APIP: variants seen among roughly 807,000 people sequenced by gnomAD.
APIP encodes the protein methylthioribulose-1-phosphate dehydratase.
A neutral mutation model predicts 32.0 loss-of-function variants in APIP; 32 were observed. The observed-to-expected ratio is 1.00, with a 90% CI of 0.76 to 1.34. The LOEUF (loss-of-function observed/expected upper bound fraction) is 1.34. Among genes scored for constraint, APIP ranks in the 40% most tolerant of loss-of-function variants. APIP has a pLI of 0.00. For synonymous variants in APIP, 92 were observed against 94.8 expected, an observed-to-expected ratio of 0.97 and a Z score of 0.17; for missense variants, 247 against 298.6, an observed-to-expected ratio of 0.83 and a Z score of 1.27.
At chr11:34,902,529 T>G (rs1174999001) in intron 1 of APIP, among the ~76,000 whole-genome samples, 2 of 151,804 alleles carry the variant, frequency 1.3e-5, no homozygotes, top group East Asian at 3.9e-4. Flanking sequence ...AAGAGAGGAT[T>G]AAGCCTATTT....
At chr11:34,914,802 G>C (rs1213178434) in intron 1 of APIP, among the ~76,000 whole-genome samples, 2 of 151,932 alleles carry the variant, frequency 1.3e-5, no homozygotes, top group Non-Finnish European at 2.9e-5. Flanking sequence ...TAACGAGTTC[G>C]AGACCAGCCT....
intron 1 of APIP, among the ~76,000 whole-genome samples, chr11:34,915,202 C>A (rs150594752): frequency 4.0e-4 from 61 of 152,166 alleles, no homozygotes; most frequent in African/African-American, 1.4e-3. Flanking sequence ...ATTGAGGGTA[C>A]GGACACTTCT....
At chr11:34,896,733 C>T (rs1190820114) in intron 1 of APIP, 1 of 1,238,176 alleles carries the variant, frequency 8.1e-7, no homozygotes, top group Non-Finnish European at 1.1e-6. Flanking sequence ...AAAGCAACAA[C>T]AACAACAACA....
At chr11:34,916,023 G>A (rs1853673351) in intron 1 of APIP, 3 of 649,584 alleles carry the variant, frequency 4.6e-6, no homozygotes, top group East Asian at 6.0e-5. Flanking sequence ...GGAGCGCCCC[G>A]CCCGAGACCA....
chr11:34,907,934 C>A (rs1241576864), intron 1 of APIP, among the ~76,000 whole-genome samples: 1 of 152,064 alleles, frequency 6.6e-6, no homozygotes, highest in East Asian at 1.9e-4. Context: ...TACTCACAGC[C>A]AACAATGGCT....
chr11:34,885,696 G>A (rs1244282835), intron 5 of APIP, among the ~76,000 whole-genome samples: 2 of 152,202 alleles, frequency 1.3e-5, no homozygotes, highest in Non-Finnish European at 2.9e-5. Context: ...GTGCCAGGGA[G>A]TGATGTCCCT....
chr11:34,910,377 ACT>A (rs1228636496), intron 1 of APIP, among the ~76,000 whole-genome samples: 1 of 152,110 alleles, frequency 6.6e-6, no homozygotes, highest in African/African-American at 2.4e-5. Flanking sequence ...AGTTCTAATG[ACT>A]CTTTCAATAG....
At position 34,896,837 on chromosome 11, in the gene APIP, T is replaced by G. The variant is rs758202621; in HGVS notation, c.58-1727A>C. 1.6e-5 allele frequency: 20 copies of G among 1,283,452 alleles called. No individual in the cohort carries two copies. In the East Asian group the frequency reaches 9.4e-4, roughly 61 times the overall value. The allele number at this position is 1,283,452 out of a possible 1,614,324, so 79.5% of individuals were successfully genotyped here. ...ACTCTGGTGACCTTGAACTTCAATT[T>G]TGATAGCCATGTAAGCCACTAGAAG... On this transcript the variant is annotated intron_variant, in intron 1 of 6. Transcript: ENST00000395787.
chr11:34,911,036 C>T (rs1221874780), intron 1 of APIP, among the ~76,000 whole-genome samples: 1 of 152,070 alleles, frequency 6.6e-6, no homozygotes, highest in Non-Finnish European at 1.5e-5. Context: ...AAGGAAACTC[C>T]CCAGAGGACT....
At chr11:34,883,587 C>A in intron 5 of APIP, 83 bp from the exon 6 acceptor site, 1 of 1,414,620 alleles carries the variant, frequency 7.1e-7, no homozygotes, top group Non-Finnish European at 9.6e-7. Flanking sequence ...TTTCAAGTAA[C>A]CAGTTAGACA....
At chr11:34,915,001 C>CAA (rs33914497) in intron 1 of APIP, among the ~76,000 whole-genome samples, 17 of 76,384 alleles carry the variant, frequency 2.2e-4, no homozygotes, top group East Asian at 1.9e-3. Context: ...CAAAACGTGT[C>CAA]AAAAAAAAAA....
chr11:34,899,309 A>G (rs752991588), intron 1 of APIP, among the ~76,000 whole-genome samples: 4 of 152,336 alleles, frequency 2.6e-5, no homozygotes, highest in Non-Finnish European at 5.9e-5. Flanking sequence ...CTCTTCTGTG[A>G]ACAGGAAAAT....
intron 5 of APIP, among the ~76,000 whole-genome samples, chr11:34,886,179 C>T (rs1384060078): frequency 1.3e-5 from 2 of 151,920 alleles, no homozygotes; most frequent in Admixed American, 1.3e-4. Context: ...GAGATGACAG[C>T]TCCATGCATG....
rs1853486799 is a variant in APIP, at chr11:34,908,149, A to C, written c.57+8079T>G. Among the ~76,000 whole-genome samples, 4 of 152,226 alleles carry C rather than the reference A, an allele frequency of 2.6e-5. No individual in the cohort carries two copies. The South Asian group carries it at 8.3e-4, about 31-fold the overall frequency. ...ACATACATAATATAAGTAACGAGGA[A>C]TCCTGACTTAGCAAAACTGGATACT... is the stretch of plus-strand genomic sequence containing the variant. On this transcript the variant is annotated intron_variant, in intron 1 of 6. Coordinates refer to ENST00000395787, the MANE Select transcript of APIP (RefSeq NM_015957.4).
chr11:34,897,944 G>T (rs1189340744), intron 1 of APIP, among the ~76,000 whole-genome samples: 1 of 152,006 alleles, frequency 6.6e-6, no homozygotes, highest in Non-Finnish European at 1.5e-5. Flanking sequence ...TCCACTTGGG[G>T]TTTTCTCTCT....
At chr11:34,887,332 C>G (rs1433639570) in intron 5 of APIP, among the ~76,000 whole-genome samples, 1 of 152,146 alleles carries the variant, frequency 6.6e-6, no homozygotes, top group African/African-American at 2.4e-5. Context: ...ACCCATAAGG[C>G]CTCTCCTTCA....
chr11:34,902,914 C>T (rs1853390546), intron 1 of APIP, among the ~76,000 whole-genome samples: 1 of 152,142 alleles, frequency 6.6e-6, no homozygotes, highest in Admixed American at 6.5e-5. Flanking sequence ...GCCAGCATGT[C>T]TCCAAGCCAT....
chr11:34,916,244 CG>C lies in APIP; in HGVS notation c.40del (p.Arg14GlyfsTer14). The C allele has an allele frequency of 1.9e-6, 3 of 1,612,282 alleles. No individual in the cohort carries two copies. Among genetic ancestry groups the C allele is most frequent in the Non-Finnish European group, 2.5e-6 (3 of 1,179,440 alleles). ...CDAREGDCCS[R>X]RCGAQDKEHP... is the part of the protein sequence containing the mutation. ...CGCCCCTACCTGCGCGCCGCATCTC[CG>C]GGAACAACAGTCTCCCTCCCGAGCA... On this transcript the variant is annotated frameshift_variant, in exon 1 of 7. Coordinates refer to ENST00000395787, the MANE Select transcript of APIP (RefSeq NM_015957.4). LOFTEE classifies it high-confidence loss of function.
intron 1 of APIP, among the ~76,000 whole-genome samples, chr11:34,910,212 A>T (rs368392981): frequency 1.8e-3 from 269 of 152,358 alleles, no homozygotes; most frequent in African/African-American, 5.9e-3. Flanking sequence ...GGCAGGGTTC[A>T]TCCTGGCTAA....
Sources: gnomAD v4.1 joint callset for allele counts (sites outside exome capture counted in the v4.1 genomes callset) on GRCh38, gnomAD v4.1.1 for gene constraint, MANE v1.5 for transcripts, NCBI Gene and HGNC (gene_info 2026-07-23, HGNC 2026-07-21) for gene names.